Variants in DLGAP2 observed in about 807,000 individuals in gnomAD.
DLGAP2 encodes the protein disks large-associated protein 2.
DLGAP2 carries 26 observed loss-of-function variants against 100.3 expected under a neutral mutation model. The observed-to-expected ratio is 0.26, with a 90% CI of 0.19 to 0.36. The LOEUF is 0.36. Among genes scored for constraint, DLGAP2 ranks in the 10% least tolerant of loss-of-function variants. DLGAP2 has a pLI of 1.00. For synonymous variants in DLGAP2, 886 were observed against 630.1 expected (o/e 1.41, Z -6.08); for missense variants, 1,858 against 1,453.2 (o/e 1.28, Z -4.53).
chr8:752,897 G>T (rs1250356578), intron 1 of DLGAP2, among the ~76,000 whole-genome samples: 1 of 152,188 alleles, frequency 6.6e-6, no homozygotes, highest in Admixed American at 6.5e-5. Context: ...GCAGCCTTCT[G>T]TAGGCGACTC....
intron 6 of DLGAP2, among the ~76,000 whole-genome samples, chr8:1,594,402 A>T (rs1796384957): frequency 1.3e-5 from 2 of 152,152 alleles, no homozygotes; most frequent in Non-Finnish European, 2.9e-5. Context: ...TATTTTTTAA[A>T]TATGTGCCAA....
intron 8 of DLGAP2, among the ~76,000 whole-genome samples, chr8:1,664,624 C>G (rs1798498353): frequency 6.6e-6 from 1 of 152,216 alleles, no homozygotes; most frequent in African/African-American, 2.4e-5. Flanking sequence ...GCCCCCTTAT[C>G]AATGGTCTCT....
At chr8:1,319,425 C>T (rs1800843897) in intron 3 of DLGAP2, among the ~76,000 whole-genome samples, 1 of 152,252 alleles carries the variant, frequency 6.6e-6, no homozygotes. Context: ...GTGTGTCTGC[C>T]CACTCACTCA....
intron 6 of DLGAP2, among the ~76,000 whole-genome samples, chr8:1,586,663 G>C (rs1796130472): frequency 6.6e-6 from 1 of 152,230 alleles, no homozygotes; most frequent in South Asian, 2.1e-4. Flanking sequence ...CCCGCCTGCA[G>C]AGGTACCACG....
At chr8:1,367,695 A>G (rs1343741241) in intron 3 of DLGAP2, among the ~76,000 whole-genome samples, 2 of 152,192 alleles carry the variant, frequency 1.3e-5, no homozygotes, top group East Asian at 3.9e-4. Flanking sequence ...TTTTGTAACA[A>G]AGAGTGTTTA....
intron 8 of DLGAP2, among the ~76,000 whole-genome samples, chr8:1,664,783 A>C (rs1417251804): frequency 6.6e-6 from 1 of 152,206 alleles, no homozygotes; most frequent in African/African-American, 2.4e-5. Flanking sequence ...GTCAGTGATA[A>C]TCCCTGTATC....
rs879864873 is a variant in DLGAP2 at position 1,653,685 on chromosome 8, AGGGGC to A, written c.1811-14641_1811-14637del. Among the ~76,000 whole-genome samples, 133 of 68,874 alleles carry A rather than the reference AGGGGC, an allele frequency of 1.9e-3. 2 individuals carry two copies. The highest frequency in any genetic ancestry group is 0.018 in the South Asian group (48 of 2,668). The allele number at this position is 68,874 out of a possible 152,430, so 45.2% of individuals were successfully genotyped here. Reference sequence around the variant, plus strand: ...TGTATTTGCTTGGGCTGTGAACTGCAGGGGCGGACTCCTGTATTTGCTTGGGCTGT... The same window carrying A: ...TGTATTTGCTTGGGCTGTGAACTGCAGGACTCCTGTATTTGCTTGGGCTGT... On this transcript the variant is annotated intron_variant, in intron 8 of 14. Transcript: ENST00000637795.
At chr8:1,075,004 G>T (rs1056769625) in intron 2 of DLGAP2, among the ~76,000 whole-genome samples, 9 of 151,470 alleles carry the variant, frequency 5.9e-5, no homozygotes, top group Non-Finnish European at 8.8e-5. Context: ...AACAAACAGT[G>T]CAGCCAGGGG....
intron 1 of DLGAP2, among the ~76,000 whole-genome samples, chr8:757,840 G>C (rs975858601): frequency 1.3e-5 from 2 of 152,156 alleles, no homozygotes; most frequent in South Asian, 2.1e-4. Context: ...GTCTCCTCTC[G>C]TGTATTTTAA....
intron 3 of DLGAP2, chr8:1,296,350 C>G (rs143181774): frequency 6.6e-6 from 1 of 152,114 alleles, no homozygotes; most frequent in African/African-American, 2.4e-5. Flanking sequence ...AGACTTTCAG[C>G]GTTCCTTTAA....
At chr8:1,502,882 G>T (rs1444010126) in intron 4 of DLGAP2, among the ~76,000 whole-genome samples, 1 of 152,160 alleles carries the variant, frequency 6.6e-6, no homozygotes, top group Non-Finnish European at 1.5e-5. Flanking sequence ...GGGGCAGCAG[G>T]AGGTACCTGG....
chr8:1,537,185 A>C (rs1170857597), intron 4 of DLGAP2, among the ~76,000 whole-genome samples: 1 of 151,970 alleles, frequency 6.6e-6, no homozygotes, highest in African/African-American at 2.4e-5. Flanking sequence ...TTACGACCTA[A>C]TGGGTGTGCA....
chr8:1,412,323 C>A (rs1796753808), intron 3 of DLGAP2, among the ~76,000 whole-genome samples: 1 of 152,194 alleles, frequency 6.6e-6, no homozygotes, highest in East Asian at 1.9e-4. Context: ...TCCATTCTCT[C>A]CCTCAGCCTC....
intron 1 of DLGAP2, among the ~76,000 whole-genome samples, chr8:827,679 C>T (rs1291389090): frequency 6.6e-6 from 1 of 152,146 alleles, no homozygotes; most frequent in South Asian, 2.1e-4. Context: ...TCTGGGTCAA[C>T]CCACAATAAT....
At chr8:1,332,345 G>C (rs1801176954) in intron 3 of DLGAP2, among the ~76,000 whole-genome samples, 1 of 152,112 alleles carries the variant, frequency 6.6e-6, no homozygotes, top group African/African-American at 2.4e-5. Context: ...CATGTATTGT[G>C]TGTGTGTATA....
intron 3 of DLGAP2, among the ~76,000 whole-genome samples, chr8:1,365,201 T>C (rs1255537279): frequency 6.6e-6 from 1 of 152,174 alleles, no homozygotes; most frequent in African/African-American, 2.4e-5. Flanking sequence ...TGGTCACTTC[T>C]ACCCGGTCCA....
At chr8:1,387,770 A>G (rs1016311107) in intron 3 of DLGAP2, among the ~76,000 whole-genome samples, 1 of 152,184 alleles carries the variant, frequency 6.6e-6, no homozygotes, top group Non-Finnish European at 1.5e-5. Flanking sequence ...TTTTCTCAGG[A>G]ACCAGGTGGA....
chr8:1,332,549 A>G (rs928510427), intron 3 of DLGAP2, among the ~76,000 whole-genome samples: 1 of 152,170 alleles, frequency 6.6e-6, no homozygotes, highest in African/African-American at 2.4e-5. Context: ...CTACAGATGC[A>G]CACACACTTG....
At chr8:1,621,156 A>G (rs1175926902) in intron 6 of DLGAP2, 1 of 152,206 alleles carries the variant, frequency 6.6e-6, no homozygotes, top group Admixed American at 6.5e-5. Context: ...CCTTATTAAG[A>G]TGCCTTCTCC....
Sources: allele counts gnomAD v4.1 joint callset (sites outside exome capture counted in the v4.1 genomes callset), GRCh38; gene constraint gnomAD v4.1.1; transcripts MANE v1.5; gene names NCBI Gene and HGNC (gene_info 2026-07-23, HGNC 2026-07-21).